Variants in NUCB1 observed in about 807,000 individuals in gnomAD.
NUCB1 encodes the protein nucleobindin 1.
Under a neutral mutation model 61.2 loss-of-function variants are expected in NUCB1, and 47 were observed. The observed-to-expected ratio is 0.77, with a 90% CI of 0.61 to 0.98. The LOEUF is 0.98. Among genes scored for constraint, NUCB1 ranks in the 50% least tolerant of loss-of-function variants. The pLI is 0.00. For synonymous variants in NUCB1, 234 were observed against 243.1 expected (o/e 0.96, Z 0.35); for missense variants, 583 against 605.3 (o/e 0.96, Z 0.39).
At chr19:48,903,341 G>A (rs1443195252) in intron 2 of NUCB1, among the ~76,000 whole-genome samples, 1 of 148,998 alleles carries the variant, frequency 6.7e-6, no homozygotes, top group Non-Finnish European at 1.5e-5. Flanking sequence ...CCTGGTGAAT[G>A]TTTGTTGAAT....
intron 4 of NUCB1, among the ~76,000 whole-genome samples, chr19:48,908,648 C>CGTGTGTGTGTGTGTGTGTGTGT (rs58211997): frequency 1.7e-4 from 15 of 86,552 alleles, no homozygotes; most frequent in East Asian, 1.2e-3. Flanking sequence ...TCTAGCTGCC[C>CGTGTGTGTGTGTGTGTGTGTGT]GTGTGTGTGT....
intron 4 of NUCB1, among the ~76,000 whole-genome samples, chr19:48,910,537 C>T (rs190886854): frequency 1.3e-3 from 202 of 151,870 alleles, no homozygotes; most frequent in African/African-American, 4.4e-3. Flanking sequence ...ACTAAAAATA[C>T]AAAAATTAGC....
At chr19:48,913,370 C>A in intron 6 of NUCB1, 104 bp from the exon 7 acceptor site, 1 of 1,258,576 alleles carries the variant, frequency 7.9e-7, no homozygotes, top group Non-Finnish European at 1.1e-6. Context: ...AGTTTTCTTG[C>A]TTGAGGGAGA....
intron 5 of NUCB1, among the ~76,000 whole-genome samples, chr19:48,911,727 G>T (rs546148990): frequency 3.3e-5 from 5 of 151,882 alleles, no homozygotes; most frequent in Admixed American, 3.3e-4. Context: ...GATACCCACC[G>T]TAATCTAGCA....
chr19:48,901,515 G>C (rs2037352932), intron 2 of NUCB1, among the ~76,000 whole-genome samples: 1 of 152,196 alleles, frequency 6.6e-6, no homozygotes. Context: ...TGTAATCCTA[G>C]CACTTTGGGA....
rs1315196540 is a variant in NUCB1, at chr19:48,922,654, T to C, written c.*230T>C. On this transcript the variant is annotated 3_prime_UTR_variant, in exon 13 of 13. Transcript: ENST00000405315. Reference sequence around the variant, plus strand: ...TCTGTCCTCCGAGGGGCTTGCCTTCTCTCGTGTCCAGTGAGGTGCTCAGTG... The same window carrying C: ...TCTGTCCTCCGAGGGGCTTGCCTTCCCTCGTGTCCAGTGAGGTGCTCAGTG... 24 of 520,076 alleles carry C rather than the reference T, an allele frequency of 4.6e-5. No individual in the cohort carries two copies. The highest frequency in any genetic ancestry group is 1.3e-4 in the South Asian group (6 of 47,882). The allele number at this position is 520,076 out of a possible 1,614,324, so 32.2% of individuals were successfully genotyped here. A position where few individuals can be genotyped will look rare whatever the true frequency, so the allele number is the denominator to read the frequency against.
intron 4 of NUCB1, among the ~76,000 whole-genome samples, chr19:48,907,258 C>G (rs942206702): frequency 6.6e-6 from 1 of 150,748 alleles, no homozygotes; most frequent in African/African-American, 2.4e-5. Flanking sequence ...CAGGTGTGAG[C>G]CACCGCGCCT....
In NUCB1 at chr19:48,921,156, A is replaced by G. The variant is rs1206985925; in HGVS notation, c.1005A>G (p.Thr335=). 2 of 1,605,506 alleles carry G rather than the reference A, an allele frequency of 1.2e-6. No homozygotes were observed. The highest frequency in any genetic ancestry group is 1.7e-5 in the Admixed American group (1 of 59,330). The change falls in exon 11 of 13, where the codon ACA becomes ACG. Residue 335 remains threonine, a splice_region_variant and synonymous_variant. Transcript: ENST00000405315. ...TGGCCCCTGTGCCTGCCCTGCAGAC[A>G]GTGGAGATGCACCCTGCCTACACCG... is the stretch of plus-strand genomic sequence containing the variant. The part of the protein sequence containing the change: ...EFGDTGEGWE[T]VEMHPAYTEE...
intron 6 of NUCB1, 58 bp from the exon 7 acceptor site, chr19:48,913,416 T>C: frequency 6.8e-7 from 1 of 1,473,082 alleles, no homozygotes; most frequent in Admixed American, 1.7e-5. Context: ...GGATATTTGG[T>C]TTTATCCCAT....
rs560396655 is a variant in NUCB1, at chr19:48,922,404, G to C, written c.1366G>C (p.Glu456Gln). ...KKLLERLPEVEVPQHL is the reference protein window; with the variant it reads ...KKLLERLPEVQVPQHL ...ACTTCTCGAGCGGCTCCCTGAGGTT[G>C]AGGTGCCCCAGCATCTGTGATCCTC... The change falls in exon 13 of 13, where the codon GAG becomes CAG. Residue 456 changes from glutamate to glutamine, a missense_variant. Glu to Gln is a conservative substitution (Grantham distance 29, BLOSUM62 2). Coordinates refer to ENST00000405315, the MANE Select transcript of NUCB1 (RefSeq NM_006184.6). The C allele has an allele frequency of 3.7e-6, 6 of 1,613,654 alleles. No individual in the cohort carries two copies. The highest frequency in any genetic ancestry group is 1.1e-5 in the South Asian group (1 of 91,082).
chr19:48,914,269 C>T (rs1002837388), intron 7 of NUCB1, among the ~76,000 whole-genome samples: 9 of 152,016 alleles, frequency 5.9e-5, no homozygotes, highest in Admixed American at 1.3e-4. Context: ...GTCACTGCGC[C>T]CGGCCTCGAA....
At chr19:48,902,247 A>T (rs1026013036) in intron 2 of NUCB1, among the ~76,000 whole-genome samples, 2 of 151,884 alleles carry the variant, frequency 1.3e-5, no homozygotes, top group East Asian at 3.9e-4. Flanking sequence ...AGTAGCTGGG[A>T]CTACAGGCGC....
At chr19:48,913,428 G>T (rs766612046) in intron 6 of NUCB1, 46 bp from the exon 7 acceptor site, 2 of 1,520,184 alleles carry the variant, frequency 1.3e-6, no homozygotes, top group Admixed American at 3.4e-5. Context: ...TTATCCCATG[G>T]CATCCAGACT....
At chr19:48,914,132 T>C (rs1432073583) in intron 7 of NUCB1, among the ~76,000 whole-genome samples, 14 of 151,910 alleles carry the variant, frequency 9.2e-5, no homozygotes, top group Non-Finnish European at 1.6e-4. Context: ...TGCACCACCA[T>C]GCCCGGCTAA....
At chr19:48,903,035 T>A (rs2037369066) in intron 2 of NUCB1, among the ~76,000 whole-genome samples, 1 of 151,732 alleles carries the variant, frequency 6.6e-6, no homozygotes, top group Non-Finnish European at 1.5e-5. Context: ...CTTGAACTCC[T>A]GGGCTCAAGT....
chr19:48,921,811 C>T lies in NUCB1; in HGVS notation c.1174-16C>T. On this transcript the variant is annotated splice_polypyrimidine_tract_variant and intron_variant, in intron 11 of 12. Coordinates refer to ENST00000405315, the MANE Select transcript of NUCB1 (RefSeq NM_006184.6). ...CATCACACCCTCTTGTCTGTGTGACCCCCCACCTCCCACAGGCTGTGCTGC... is the reference window on the plus strand; with the variant it reads ...CATCACACCCTCTTGTCTGTGTGACTCCCCACCTCCCACAGGCTGTGCTGC... The T allele has an allele frequency of 6.2e-7, 1 of 1,608,368 alleles. No individual in the cohort carries two copies. The highest frequency in any genetic ancestry group is 8.5e-7 in the Non-Finnish European group (1 of 1,178,186).
chr19:48,907,923 C>T (rs1213259732), intron 4 of NUCB1, among the ~76,000 whole-genome samples: 1 of 152,196 alleles, frequency 6.6e-6, no homozygotes, highest in Non-Finnish European at 1.5e-5. Context: ...TCGCCCCGCT[C>T]TCCCGTGACA....
chr19:48,922,050 C>G, intron 12 of NUCB1, 118 bp downstream of exon 12: 1 of 830,276 alleles, frequency 1.2e-6, no homozygotes. Flanking sequence ...CCCAGACTCC[C>G]AGATCTGAGG....
intron 7 of NUCB1, among the ~76,000 whole-genome samples, chr19:48,914,255 G>T (rs1023067335): frequency 6.6e-6 from 1 of 151,996 alleles, no homozygotes; most frequent in East Asian, 1.9e-4. Context: ...GATTACAGGC[G>T]TGAGTCACTG....
Sources: gnomAD v4.1 joint callset for allele counts (sites outside exome capture counted in the v4.1 genomes callset) on GRCh38, gnomAD v4.1.1 for gene constraint, MANE v1.5 for transcripts, NCBI Gene and HGNC (gene_info 2026-07-23, HGNC 2026-07-21) for gene names.